Variants in TUBA1C observed in about 807,000 individuals in gnomAD.
TUBA1C encodes the protein tubulin alpha 1c.
Under a neutral mutation model 34.9 loss-of-function variants are expected in TUBA1C, and 16 were observed. That is an observed-to-expected ratio of 0.46 (90% CI 0.31 to 0.70). The LOEUF is 0.70. Among genes scored for constraint, TUBA1C ranks in the 30% least tolerant of loss-of-function variants. TUBA1C has a pLI of 0.05. For synonymous variants in TUBA1C, 177 were observed against 215.9 expected (o/e 0.82, Z 1.58); for missense variants, 329 against 587.3 (o/e 0.56, Z 4.55).
chr12:49,273,192 A>G lies in TUBA1C; in HGVS notation c.1315A>G (p.Ser439Gly). 1.2e-6 allele frequency: 2 copies of G among 1,614,230 alleles called. No individual in the cohort carries two copies. The highest frequency in any genetic ancestry group is 1.7e-6 in the Non-Finnish European group (2 of 1,180,036). The change falls in exon 4 of 4, where the codon AGT becomes GGT. Residue 439 changes from serine to glycine, a missense_variant. This residue lies in a region of TUBA1C where 34 missense variants were observed against 31.8 expected (regional missense o/e 1.07). Transcript: ENST00000301072. ...EKDYEEVGAD[S>G]ADGEDEGEEY ...GGATTATGAGGAGGTTGGAGCAGAT[A>G]GTGCTGACGGAGAGGATGAGGGTGA...
exon 1 of TUBA1C, chr12:49,228,055 G>A: frequency 6.5e-7 from 1 of 1,535,710 alleles, no homozygotes; most frequent in Non-Finnish European, 8.7e-7. Flanking sequence ...ATGCAAAACT[G>A]TACATCTCTA....
chr12:49,248,495 G>C (rs535804713), intron 1 of TUBA1C, among the ~76,000 whole-genome samples: 1 of 151,674 alleles, frequency 6.6e-6, no homozygotes, highest in African/African-American at 2.4e-5. Flanking sequence ...TTGAACCTGG[G>C]AGGCGGAGAT....
intron 3 of TUBA1C, among the ~76,000 whole-genome samples, chr12:49,272,047 C>G (rs1422633504): frequency 1.3e-5 from 2 of 150,794 alleles, no homozygotes; most frequent in Admixed American, 6.6e-5. Flanking sequence ...CAGTCTTGAA[C>G]CCCTGGGCTC....
Position 49,272,621 on chromosome 12 carries a change from G to A in TUBA1C, c.744G>A (p.Leu248=). The change falls in exon 4 of 4, where the codon CTG becomes CTA. Residue 248 remains leucine, a synonymous_variant. Transcript: ENST00000301072. ...ITASLRFDGA[L]NVDLTEFQTN... is the part of the protein sequence containing the mutation. ...CTTCCCTGAGATTTGATGGAGCCCT[G>A]AATGTTGACCTGACAGAATTCCAGA... 2 of 1,608,772 alleles carry A rather than the reference G, an allele frequency of 1.2e-6. No individual in the cohort carries two copies. The highest frequency in any genetic ancestry group is 1.7e-6 in the Non-Finnish European group (2 of 1,178,198).
intron 1 of TUBA1C, among the ~76,000 whole-genome samples, chr12:49,267,830 G>T (rs1942935601): frequency 6.6e-6 from 1 of 152,110 alleles, no homozygotes; most frequent in South Asian, 2.1e-4. Flanking sequence ...AGTAATTAGG[G>T]TTTTTATTAT....
At chr12:49,236,505 A>G (rs12304259) in intron 1 of TUBA1C, among the ~76,000 whole-genome samples, 2,902 of 152,262 alleles carry the variant, frequency 0.019, 91 homozygotes, top group African/African-American at 0.066. Context: ...GCTTATGATG[A>G]TTTTCCTGAA....
At chr12:49,265,215 A>G (rs762309716) in intron 1 of TUBA1C, 31 bp downstream of exon 1, 10 of 1,581,524 alleles carry the variant, frequency 6.3e-6, no homozygotes, top group Non-Finnish European at 8.6e-6. Context: ...GCTGGGGAAG[A>G]GTGCGCGTCC....
rs916104358 is a variant in TUBA1C, at chr12:49,238,380, A to G, written c.213+10214A>G. Among the ~76,000 whole-genome samples the G allele has an allele frequency of 2.0e-5, 3 of 152,276 alleles. No individual in the cohort carries two copies. The East Asian group carries it at 5.8e-4, about 29-fold the overall frequency. ...GTGTGGGGATTTTTCCCCACCAACA[A>G]TCAATCAGTTCTTTTCTGCAATGGA... On this transcript the variant is annotated intron_variant, in intron 1 of 3. Transcript: ENST00000541364.
intron 1 of TUBA1C, among the ~76,000 whole-genome samples, chr12:49,268,218 T>C (rs1040701518): frequency 6.6e-6 from 1 of 152,070 alleles, no homozygotes; most frequent in African/African-American, 2.4e-5. Context: ...CATGCCTCAG[T>C]CTTCCGAGTA....
chr12:49,256,940 G>A (rs1942789969), intron 1 of TUBA1C, among the ~76,000 whole-genome samples: 1 of 152,156 alleles, frequency 6.6e-6, no homozygotes, highest in Non-Finnish European at 1.5e-5. Flanking sequence ...AACACTTTGG[G>A]AGGCTGAGGC....
At chr12:49,245,389 C>T (rs1942656641) in intron 1 of TUBA1C, among the ~76,000 whole-genome samples, 1 of 152,046 alleles carries the variant, frequency 6.6e-6, no homozygotes, top group South Asian at 2.1e-4. Flanking sequence ...TCACTTGAGG[C>T]CAGGAGTCTG....
exon 1 of TUBA1C, chr12:49,227,960 G>C: frequency 2.6e-6 from 4 of 1,535,666 alleles, no homozygotes; most frequent in East Asian, 2.4e-5. Flanking sequence ...TAAAATGACA[G>C]CCTGGTTCAA....
intron 1 of TUBA1C, among the ~76,000 whole-genome samples, chr12:49,255,913 G>A (rs180949273): frequency 2.7e-4 from 41 of 152,298 alleles, no homozygotes; most frequent in Admixed American, 1.7e-3. Flanking sequence ...AGGCTAGGGC[G>A]TGGTGGCTGA....
chr12:49,251,947 T>C (rs1374910399), intron 1 of TUBA1C, among the ~76,000 whole-genome samples: 10 of 152,038 alleles, frequency 6.6e-5, no homozygotes, highest in Non-Finnish European at 1.3e-4. Flanking sequence ...ATCCAACCCA[T>C]TCATGATAAA....
At chr12:49,254,973 C>T (rs546927287) in intron 1 of TUBA1C, among the ~76,000 whole-genome samples, 51 of 151,918 alleles carry the variant, frequency 3.4e-4, no homozygotes, top group Admixed American at 9.9e-4. Flanking sequence ...TAAGTAGAAA[C>T]GGGGTCCCTC....
chr12:49,246,462 G>C (rs1337782444), intron 1 of TUBA1C, among the ~76,000 whole-genome samples: 2 of 150,608 alleles, frequency 1.3e-5, no homozygotes, highest in Non-Finnish European at 3.0e-5. Context: ...GGCGGATCAC[G>C]AGGTCAGGAG....
chr12:49,270,030 G>C (rs1337238327), intron 3 of TUBA1C, 54 bp downstream of exon 3: 4 of 1,614,132 alleles, frequency 2.5e-6, no homozygotes, highest in Middle Eastern at 1.7e-4. Context: ...GCAGTTCTGA[G>C]ACCAAACTAC....
chr12:49,246,428 C>T (rs1038997687), intron 1 of TUBA1C, among the ~76,000 whole-genome samples: 11 of 151,444 alleles, frequency 7.3e-5, no homozygotes, highest in Admixed American at 2.0e-4. Context: ...GCCTGTAATC[C>T]CAGCACTTTG....
intron 1 of TUBA1C, among the ~76,000 whole-genome samples, chr12:49,248,646 G>A (rs981670498): frequency 1.3e-5 from 2 of 151,086 alleles, no homozygotes; most frequent in Admixed American, 6.6e-5. Flanking sequence ...GGCGGATCAC[G>A]AGGTCAGGAG....
Sources: gnomAD v4.1 joint callset for allele counts (sites outside exome capture counted in the v4.1 genomes callset) on GRCh38, gnomAD v4.1.1 for gene constraint, gnomAD v4.1.1 regional missense constraint, MANE v1.5 for transcripts, NCBI Gene and HGNC (gene_info 2026-07-23, HGNC 2026-07-21) for gene names.